The following SPG11 variants were observed in gnomAD, a reference collection of about 807,000 sequenced individuals.
The protein encoded by SPG11 is SPG11 vesicle trafficking associated, spatacsin.
In SPG11, 222 loss-of-function variants were observed where a neutral mutation model predicts 274.0. The ratio of observed to expected loss-of-function variants is 0.81; its 90% CI spans 0.73 to 0.91. The LOEUF is 0.91. Ranked by LOEUF, SPG11 falls within the 40% of genes least tolerant of loss-of-function variation. The pLI is 0.00. For synonymous variants in SPG11, 1,144 were observed against 1,039.7 expected (o/e 1.10, Z -1.93); for missense variants, 3,114 against 2,872.7 (o/e 1.08, Z -1.92).
intron 7 of SPG11, among the ~76,000 whole-genome samples, chr15:44,643,727 T>C (rs1310851600): frequency 6.6e-6 from 1 of 151,672 alleles, no homozygotes; most frequent in African/African-American, 2.4e-5. Context: ...AAGGACACCA[T>C]CGAGAAGGTG....
rs1009367627 is a variant in SPG11 at position 44,622,205 on chromosome 15, G to T, written c.2444+15C>A. On this transcript the variant is annotated intron_variant, in intron 13 of 39. Coordinates refer to ENST00000261866, the MANE Select transcript of SPG11 (RefSeq NM_025137.4). ...CGGTATTCTAATATTATCAAAAGAG[G>T]ACTAATGAGACTACCTGGGAAATGA... 1.2e-6 allele frequency: 2 copies of T among 1,609,236 alleles called. No homozygotes were observed. The highest frequency in any genetic ancestry group is 1.7e-6 in the Non-Finnish European group (2 of 1,176,166).
chr15:44,598,400 T>C lies in SPG11; in HGVS notation c.3893-27A>G, dbSNP rs559280530. On this transcript the variant is annotated intron_variant, in intron 22 of 39. Coordinates refer to ENST00000261866, the MANE Select transcript of SPG11 (RefSeq NM_025137.4). ...TGTAAGAAATATAAACAACAAAATA[T>C]GGTGAAGAGAAAAAGTCAAAACCTG... 52 of 1,594,254 alleles carry C rather than the reference T, an allele frequency of 3.3e-5. 4 individuals carry two copies. The South Asian group carries it at 5.0e-4, about 15-fold the overall frequency.
At chr15:44,573,519 G>A (rs2140928639) in intron 32 of SPG11, 28 bp downstream of exon 32, 1 of 1,612,354 alleles carries the variant, frequency 6.2e-7, no homozygotes, top group East Asian at 2.2e-5. Flanking sequence ...CTGTCAGAGA[G>A]GTTGGGAATC....
At chr15:44,643,728 C>T (rs1379669913) in intron 7 of SPG11, among the ~76,000 whole-genome samples, 3 of 152,022 alleles carry the variant, frequency 2.0e-5, no homozygotes, top group Middle Eastern at 3.2e-3. Context: ...AGGACACCAT[C>T]GAGAAGGTGA....
chr15:44,630,640 A>G (rs538024710), intron 8 of SPG11, among the ~76,000 whole-genome samples: 37 of 152,150 alleles, frequency 2.4e-4, no homozygotes, highest in African/African-American at 8.7e-4. Flanking sequence ...AATGGAATGG[A>G]GCGATCTCGG....
At chr15:44,620,083 A>G (rs867604204) in intron 15 of SPG11, 107 bp downstream of exon 15, 1 of 901,198 alleles carries the variant, frequency 1.1e-6, no homozygotes, top group East Asian at 2.5e-5. Context: ...ATATGAAACA[A>G]CACTACACTG....
rs531340254 is a variant in SPG11, at chr15:44,623,282, C to T, written c.2245-483G>A. Among the ~76,000 whole-genome samples the T allele has an allele frequency of 5.9e-5, 9 of 152,256 alleles. No homozygotes were observed. In the East Asian group the frequency reaches 1.5e-3, roughly 26 times the overall value. ...TTCATTATATGTATTTACTGCCTAT[C>T]CCTAAAGTCCTTAAGCATTTTGTCA... On this transcript the variant is annotated intron_variant, in intron 11 of 39. Transcript: ENST00000261866.
At chr15:44,593,868 C>T (rs1410370322) in intron 26 of SPG11, among the ~76,000 whole-genome samples, 1 of 151,352 alleles carries the variant, frequency 6.6e-6, no homozygotes, top group Non-Finnish European at 1.5e-5. Context: ...ATTCTCGTGC[C>T]TCAGCTTCCC....
intron 7 of SPG11, among the ~76,000 whole-genome samples, chr15:44,643,527 A>G (rs2141084969): frequency 6.6e-6 from 1 of 152,314 alleles, no homozygotes; most frequent in East Asian, 1.9e-4. Context: ...CCATATAAGA[A>G]ATTGAACTTA....
At chr15:44,628,036 G>C (rs1448866897) in intron 10 of SPG11, among the ~76,000 whole-genome samples, 3 of 152,152 alleles carry the variant, frequency 2.0e-5, no homozygotes, top group Non-Finnish European at 4.4e-5. Flanking sequence ...AATTGATTAT[G>C]ATCATCTGTG....
At chr15:44,641,718 A>G (rs1329154536) in intron 7 of SPG11, among the ~76,000 whole-genome samples, 1 of 151,974 alleles carries the variant, frequency 6.6e-6, no homozygotes, top group East Asian at 1.9e-4. Flanking sequence ...TGGCAAGAAC[A>G]TCAAGAACAT....
rs567198585 is a variant in SPG11, at chr15:44,623,474, G to A, written c.2245-675C>T. Among the ~76,000 whole-genome samples the A allele has an allele frequency of 1.2e-3, 184 of 152,236 alleles. 1 individual carries two copies. The highest frequency in any genetic ancestry group is 4.3e-3 in the African/African-American group (179 of 41,542). ...ACCTCCTGAAAGTTACCATGGGCAA[G>A]ACCCCAACCATGCAGGTTAGGGCTA... On this transcript the variant is annotated intron_variant, in intron 11 of 39. Transcript: ENST00000261866.
rs751228307 is a variant in SPG11 at position 44,563,126 on chromosome 15, CT to C, written c.7326del (p.Gly2443ValfsTer3). On this transcript the variant is annotated frameshift_variant, in exon 40 of 40. Coordinates refer to ENST00000261866, the MANE Select transcript of SPG11 (RefSeq NM_025137.4). LOFTEE classifies it high-confidence loss of function. ...QTGCCLKDMLAG is the reference protein window; with the variant it reads ...QTGCCLKDMLXG ...ACAGACACCTATGAAATCATCTAAC[CT>C]GCTAGCATGTCCTTTAGACAGCAAC... The C allele has an allele frequency of 6.2e-6, 10 of 1,613,898 alleles. No homozygotes were observed. The highest frequency in any genetic ancestry group is 8.5e-7 in the Non-Finnish European group (1 of 1,179,946).
intron 27 of SPG11, among the ~76,000 whole-genome samples, chr15:44,591,203 T>C (rs1420757192): frequency 6.6e-6 from 1 of 152,234 alleles, no homozygotes; most frequent in African/African-American, 2.4e-5. Flanking sequence ...TTAAGGGAAT[T>C]ATTATGAGAA....
chr15:44,652,246 A>G lies in SPG11; in HGVS notation c.890T>C (p.Leu297Pro). 1 of 1,614,118 alleles carries G rather than the reference A, an allele frequency of 6.2e-7. No homozygotes were observed. Among genetic ancestry groups the G allele is most frequent in the Non-Finnish European group, 8.5e-7 (1 of 1,180,014 alleles). ...LYFRQHPGHL[L>P]CERILEDLPI... Reference sequence around the variant, plus strand: ...AAGATCTTCTAGTATTCTTTCACACAGTAGGTGTCCTGGGTGTTGCCTACA... The same window carrying G: ...AAGATCTTCTAGTATTCTTTCACACGGTAGGTGTCCTGGGTGTTGCCTACA... Residue 297 changes from leucine to proline, a missense_variant, in exon 5 of 40, where the codon CTG (leucine) becomes CCG (proline). Transcript: ENST00000261866.
chr15:44,660,419 T>C lies in SPG11; in HGVS notation c.442+13A>G. 6.2e-7 allele frequency: 1 copy of C among 1,610,960 alleles called. No individual in the cohort carries two copies. The highest frequency in any genetic ancestry group is 8.5e-7 in the Non-Finnish European group (1 of 1,177,858). Reference sequence around the variant, plus strand: ...AATTTAAATATGCTGAAAGACCACCTGTAGATACTTACTGATATCTTGATC... The same window carrying C: ...AATTTAAATATGCTGAAAGACCACCCGTAGATACTTACTGATATCTTGATC... On this transcript the variant is annotated intron_variant, in intron 2 of 39. Transcript: ENST00000261866.
rs776275517 is a variant in SPG11 at position 44,651,592 on chromosome 15, A to C, written c.1355T>G (p.Leu452Arg). 12 of 1,614,204 alleles carry C rather than the reference A, an allele frequency of 7.4e-6. No homozygotes were observed. The Admixed American group carries it at 1.3e-4, about 18-fold the overall frequency. Residue 452 changes from leucine (L) to arginine (R), a missense_variant, in exon 6 of 40, where the codon CTC becomes CGC. Coordinates refer to ENST00000261866, the MANE Select transcript of SPG11 (RefSeq NM_025137.4). The part of the protein sequence containing the change: ...EVERMGYTIT[L>R]WDLETQGMQC... The stretch of plus-strand genomic sequence containing the variant: ...CATGCCCTGGGTCTCCAAATCCCAG[A>C]GGGTAATGGTATAGCCCATCCTTTC...
chr15:44,658,548 T>C (rs2141124367), intron 3 of SPG11, among the ~76,000 whole-genome samples: 1 of 151,260 alleles, frequency 6.6e-6, no homozygotes, highest in South Asian at 2.1e-4. Flanking sequence ...AACCTCCACC[T>C]CCCAGGTTCA....
At position 44,570,511 on chromosome 15, in the gene SPG11, AG is replaced by A. The variant is rs574960359; in HGVS notation, c.6477+13del. 12,225 of 1,613,922 alleles carry A rather than the reference AG, an allele frequency of 7.6e-3. 52 individuals carry two copies. Among genetic ancestry groups the A allele is most frequent in the Non-Finnish European group, 8.8e-3 (10,408 of 1,179,946 alleles). ...TTCCACAGGATGGAGACTGGGGTTG[AG>A]GGGGCTACTTACCACCAGCCCATAC... is the stretch of plus-strand genomic sequence containing the variant. On this transcript the variant is annotated intron_variant, in intron 34 of 39. Transcript: ENST00000261866.
Sources: allele counts gnomAD v4.1 joint callset (sites outside exome capture counted in the v4.1 genomes callset), GRCh38; gene constraint gnomAD v4.1.1; transcripts MANE v1.5; gene names NCBI Gene and HGNC (gene_info 2026-07-23, HGNC 2026-07-21).